LRRC69: variants seen among roughly 807,000 people sequenced by gnomAD.
LRRC69 encodes leucine-rich repeat-containing protein 69.
In LRRC69, 42 loss-of-function variants were observed where a neutral mutation model predicts 37.8. That is an observed-to-expected ratio of 1.11 (90% confidence interval 0.87 to 1.44). The LOEUF is 1.44. LRRC69 is among the 40% of genes most tolerant of loss of function. The probability of loss-of-function intolerance (pLI) is 0.00; values close to 1 mark genes in which losing one functional copy is unlikely to be tolerated. For synonymous variants in LRRC69, 141 were observed against 143.1 expected, an observed-to-expected ratio of 0.99 and a Z score of 0.11; for missense variants, 357 against 401.9, an observed-to-expected ratio of 0.89 and a Z score of 0.96.
chr8:91,139,895 C>G (rs1035144962), intron 5 of LRRC69, among the ~76,000 whole-genome samples: 4 of 151,454 alleles, frequency 2.6e-5, no homozygotes, highest in African/African-American at 9.7e-5. Context: ...TCGCAACCAG[C>G]CTGACCAACA....
chr8:91,142,216 C>A (rs1808544020), intron 5 of LRRC69, among the ~76,000 whole-genome samples: 1 of 151,934 alleles, frequency 6.6e-6, no homozygotes, highest in African/African-American at 2.4e-5. Flanking sequence ...CAGGGAGCAT[C>A]ATGAGTTTTG....
intron 5 of LRRC69, chr8:91,139,063 G>T (rs1345698730): frequency 6.7e-6 from 1 of 148,544 alleles, no homozygotes; most frequent in East Asian, 2.0e-4. Flanking sequence ...AAAAAAAAAA[G>T]AAATATCTTG....
At chr8:91,199,181 C>T (rs1809671590) in intron 6 of LRRC69, among the ~76,000 whole-genome samples, 1 of 152,136 alleles carries the variant, frequency 6.6e-6, no homozygotes, top group South Asian at 2.1e-4. Context: ...TAAAAGCCCA[C>T]CTATAAAATC....
intron 1 of LRRC69, among the ~76,000 whole-genome samples, chr8:91,113,129 G>C (rs987675644): frequency 1.3e-5 from 2 of 151,974 alleles, no homozygotes; most frequent in Non-Finnish European, 2.9e-5. Flanking sequence ...TTATTAAAAT[G>C]TCCATATTAC....
At chr8:91,161,190 C>T (rs556444906) in intron 5 of LRRC69, among the ~76,000 whole-genome samples, 23 of 151,280 alleles carry the variant, frequency 1.5e-4, no homozygotes, top group African/African-American at 5.3e-4. Flanking sequence ...TGTTGGATTC[C>T]ATTTGCTACT....
rs1189957135 is a variant in LRRC69 at position 91,216,596 on chromosome 8, T to A, written c.934-2294T>A. Among the ~76,000 whole-genome samples, 5 of 152,138 alleles carry A rather than the reference T, an allele frequency of 3.3e-5. No homozygotes were observed. The East Asian group carries it at 7.7e-4, about 23-fold the overall frequency. On this transcript the variant is annotated intron_variant, in intron 7 of 7. Coordinates refer to ENST00000448384, the Ensembl canonical transcript of LRRC69. ...TTCTAGCTGAGATATGTTACAGAAG[T>A]AGGCAGGATTAACTGGTTGGGTGAG...
intron 5 of LRRC69, among the ~76,000 whole-genome samples, chr8:91,181,991 A>T (rs1809333193): frequency 6.6e-6 from 1 of 152,204 alleles, no homozygotes; most frequent in African/African-American, 2.4e-5. Context: ...GAAAAATAAA[A>T]GACTATCAGC....
At chr8:91,168,776 A>T (rs969346656) in intron 5 of LRRC69, among the ~76,000 whole-genome samples, 2 of 151,912 alleles carry the variant, frequency 1.3e-5, no homozygotes, top group Admixed American at 1.3e-4. Flanking sequence ...GGCCATAAAA[A>T]TATAGAAAGA....
At chr8:91,198,474 T>C (rs1293588491) in intron 6 of LRRC69, among the ~76,000 whole-genome samples, 2 of 152,250 alleles carry the variant, frequency 1.3e-5, no homozygotes, top group Non-Finnish European at 2.9e-5. Context: ...GAGTATACAA[T>C]AGTTCCAAAA....
At chr8:91,147,390 A>G (rs1563604275) in intron 5 of LRRC69, among the ~76,000 whole-genome samples, 1 of 150,544 alleles carries the variant, frequency 6.6e-6, no homozygotes, top group Non-Finnish European at 1.5e-5. Context: ...TGTATCTTTT[A>G]TAAGTACCAT....
At chr8:91,199,937 C>T (rs886639262) in intron 6 of LRRC69, among the ~76,000 whole-genome samples, 1 of 152,060 alleles carries the variant, frequency 6.6e-6, no homozygotes, top group Non-Finnish European at 1.5e-5. Context: ...TATTGCAAGT[C>T]AATTTTCTGA....
intron 4 of LRRC69, among the ~76,000 whole-genome samples, chr8:91,135,200 G>C (rs1813888217): frequency 6.6e-6 from 1 of 152,018 alleles, no homozygotes; most frequent in African/African-American, 2.4e-5. Context: ...TTAAGAAGAG[G>C]ACTCCCTTCA....
At chr8:91,169,614 G>A (rs1290507653) in intron 5 of LRRC69, among the ~76,000 whole-genome samples, 3 of 147,820 alleles carry the variant, frequency 2.0e-5, no homozygotes, top group African/African-American at 5.1e-5. Flanking sequence ...CTGGTGCGCT[G>A]CACCCACTAA....
At chr8:91,196,150 T>C (rs1586280011) in intron 6 of LRRC69, among the ~76,000 whole-genome samples, 1 of 152,032 alleles carries the variant, frequency 6.6e-6, no homozygotes, top group African/African-American at 2.4e-5. Flanking sequence ...AATTCTTTTC[T>C]TTAAGAATGT....
intron 5 of LRRC69, among the ~76,000 whole-genome samples, chr8:91,188,998 T>C (rs956494439): frequency 1.3e-5 from 2 of 152,178 alleles, no homozygotes; most frequent in Admixed American, 1.3e-4. Flanking sequence ...CTAATTTTTG[T>C]ATTTTTAGTA....
chr8:91,126,785 T>C (rs1357731887), intron 2 of LRRC69, among the ~76,000 whole-genome samples: 1 of 152,060 alleles, frequency 6.6e-6, no homozygotes, highest in East Asian at 1.9e-4. Flanking sequence ...AACTAAATTA[T>C]ATTTTCTGCA....
At position 91,145,680 on chromosome 8, in the gene LRRC69, TG is replaced by T. The variant is rs564899425; in HGVS notation, c.651+9943del. Among the ~76,000 whole-genome samples the T allele has an allele frequency of 2.1e-3, 319 of 151,900 alleles. 2 individuals carry two copies. Among genetic ancestry groups the T allele is most frequent in the African/African-American group, 7.1e-3 (293 of 41,464 alleles). Reference sequence around the variant, plus strand: ...TAATGGAAACCCCTTGTGGGTTCTGTGGTTTTATGTAAGTGATGTAAGCTTA... The same window carrying T: ...TAATGGAAACCCCTTGTGGGTTCTGTGTTTTATGTAAGTGATGTAAGCTTA... On this transcript the variant is annotated intron_variant, in intron 5 of 7. Transcript: ENST00000448384.
At chr8:91,152,766 A>G (rs904559206) in intron 5 of LRRC69, among the ~76,000 whole-genome samples, 2 of 151,434 alleles carry the variant, frequency 1.3e-5, no homozygotes, top group Non-Finnish European at 3.0e-5. Flanking sequence ...ACAAGAATGT[A>G]GTGTTTTTCC....
intron 5 of LRRC69, among the ~76,000 whole-genome samples, chr8:91,149,072 A>G (rs1808677458): frequency 6.6e-6 from 1 of 151,456 alleles, no homozygotes; most frequent in Admixed American, 6.6e-5. Context: ...TGCTGTGCAG[A>G]AGCTCTTTAG....
Sources: gnomAD v4.1 joint callset for allele counts (sites outside exome capture counted in the v4.1 genomes callset) on GRCh38, gnomAD v4.1.1 for gene constraint, MANE v1.5 for transcripts, NCBI Gene and HGNC (gene_info 2026-07-23, HGNC 2026-07-21) for gene names.